The following TSEN34 variants were observed in gnomAD, a reference collection of about 807,000 sequenced individuals.
The protein encoded by TSEN34 is tRNA splicing endonuclease subunit 34.
Under a neutral mutation model 30.2 loss-of-function variants are expected in TSEN34, and 25 were observed. The observed-to-expected ratio is 0.83, with a 90% confidence interval of 0.60 to 1.16. The LOEUF (loss-of-function observed/expected upper bound fraction) is 1.16, where lower values mean the gene tolerates loss of function less well. Ranked by LOEUF, TSEN34 falls within the 50% of genes most tolerant of loss-of-function variation. The pLI is 0.00. For synonymous variants in TSEN34, 209 were observed against 177.4 expected (o/e 1.18, Z -1.41); for missense variants, 475 against 411.9 (o/e 1.15, Z -1.33).
In TSEN34 at chr19:54,191,616, G is replaced by A. The variant is rs1477849867; in HGVS notation, c.243+9G>A. 2 of 1,604,834 alleles carry A rather than the reference G, an allele frequency of 1.2e-6. No individual in the cohort carries two copies. Among genetic ancestry groups the A allele is most frequent in the South Asian group, 1.1e-5 (1 of 91,052 alleles). On this transcript the variant is annotated intron_variant, in intron 1 of 3. Coordinates refer to ENST00000396388, the MANE Select transcript of TSEN34 (RefSeq NM_001077446.4). ...CTCGGCACCACAGCCTGGTAAGGGG[G>A]CGGGGCTCGAACTCGGGTTCGGTGG...
rs1429383676 is a variant in TSEN34 at position 54,192,434 on chromosome 19, C to T, written c.745+61C>T. 4.0e-6 allele frequency: 6 copies of T among 1,509,600 alleles called. 1 individual carries two copies. In the South Asian group the frequency reaches 4.7e-5, roughly 12 times the overall value. The allele number at this position is 1,509,600 out of a possible 1,614,324, so 93.5% of individuals were successfully genotyped here. On this transcript the variant is annotated intron_variant, in intron 3 of 3. Coordinates refer to ENST00000396388, the MANE Select transcript of TSEN34 (RefSeq NM_001077446.4). Reference sequence around the variant, plus strand: ...TTCCATACGATCCCAATGTATTCTGCGTTTTTCTTTTTTTTTTTTTTTGTC... The same window carrying T: ...TTCCATACGATCCCAATGTATTCTGTGTTTTTCTTTTTTTTTTTTTTTGTC...
Position 54,191,737 on chromosome 19 carries a change from A to T in TSEN34, c.260A>T (p.Lys87Met). ...RHHSLALTSF[K>M]RQQEESFQEQ... ...GCTTCTCAGGCCCTGACATCCTTCA[A>T]GCGCCAGCAAGAGGAGAGCTTCCAG... Residue 87 changes from lysine to methionine, a missense_variant, in exon 2 of 4, where the codon AAG (lysine) becomes ATG (methionine). Transcript: ENST00000396388. 1.2e-6 allele frequency: 2 copies of T among 1,614,084 alleles called. No individual in the cohort carries two copies. Among genetic ancestry groups the T allele is most frequent in the Non-Finnish European group, 1.7e-6 (2 of 1,180,038 alleles).
In TSEN34 at chr19:54,193,472, G is replaced by A; in HGVS notation, c.*110G>A. On this transcript the variant is annotated 3_prime_UTR_variant, in exon 4 of 4. Coordinates refer to ENST00000396388, the MANE Select transcript of TSEN34 (RefSeq NM_001077446.4). ...ATCCTCCTACCTTTCTCCGCGGTTA[G>A]TTTTTGATTCCAGGTTTTCGAACAC... The A allele has an allele frequency of 6.4e-7, 1 of 1,563,200 alleles. No individual in the cohort carries two copies. Among genetic ancestry groups the A allele is most frequent in the Non-Finnish European group, 8.7e-7 (1 of 1,153,958 alleles).
chr19:54,192,437 TTTTC>T, intron 3 of TSEN34, 64 bp downstream of exon 3: 3 of 1,532,936 alleles, frequency 2.0e-6, no homozygotes, highest in Admixed American at 2.0e-5. Context: ...TATTCTGCGT[TTTTC>T]TTTTTTTTTT....
chr19:54,194,341 G>GGAA lies in TSEN34; in HGVS notation c.*979_*980insGAA. 2.9e-5 allele frequency: 1 copy of GGAA among 34,704 alleles called. No individual in the cohort carries two copies. Among genetic ancestry groups the GGAA allele is most frequent in the African/African-American group, 1.9e-4 (1 of 5,224 alleles). 2.1% of individuals were successfully genotyped at this position (34,704 alleles called of 1,614,324 possible). A position where few individuals can be genotyped will look rare whatever the true frequency, so the allele number is the denominator to read the frequency against. ...GCTTTTTCATGGCCTGGGTAGTGGT[G>GGAA]AATTTTTTTGATACTGTATATTTAT... On this transcript the variant is annotated 3_prime_UTR_variant, in exon 4 of 4. Transcript: ENST00000396388.
upstream of TSEN34, chr19:54,189,674 T>TC (rs2076581492): frequency 1.3e-5 from 2 of 153,306 alleles, no homozygotes; most frequent in Non-Finnish European, 2.9e-5. Flanking sequence ...ACAGACGGGC[T>TC]CTGGAAAGGA....
Position 54,194,085 on chromosome 19 carries a change from G to T in TSEN34, c.*723G>T, listed in dbSNP as rs1272197057. The T allele has an allele frequency of 1.1e-5, 2 of 182,246 alleles. No individual in the cohort carries two copies. Among genetic ancestry groups the T allele is most frequent in the East Asian group, 3.0e-4 (2 of 6,730 alleles). 11.3% of individuals were successfully genotyped at this position (182,246 alleles called of 1,614,324 possible). On this transcript the variant is annotated 3_prime_UTR_variant, in exon 4 of 4. Coordinates refer to ENST00000396388, the MANE Select transcript of TSEN34 (RefSeq NM_001077446.4). ...TTAGCCAGGGATCCCTTGAGCCTGG[G>T]AAGTTGAGGCTGCTGTGAGCTGTGA...
upstream of TSEN34, chr19:54,190,420 C>G: frequency 1.4e-6 from 2 of 1,454,326 alleles, no homozygotes; most frequent in South Asian, 1.4e-5. Flanking sequence ...TGAAGGGAGG[C>G]AAGGAGGCGG....
In TSEN34 at chr19:54,193,507, T is replaced by C; in HGVS notation, c.*145T>C. On this transcript the variant is annotated 3_prime_UTR_variant, in exon 4 of 4. Transcript: ENST00000396388. ...CCAGGTTTTCGAACACTACATCTTT[T>C]TTATGTTCTTCCTTGTTTCAAAGCA... 1 of 1,543,570 alleles carries C rather than the reference T, an allele frequency of 6.5e-7. No individual in the cohort carries two copies. Among genetic ancestry groups the C allele is most frequent in the East Asian group, 2.4e-5 (1 of 40,916 alleles).
upstream of TSEN34, chr19:54,190,692 G>C (rs1424489000): frequency 8.2e-7 from 1 of 1,226,482 alleles, no homozygotes; most frequent in Non-Finnish European, 1.0e-6. Context: ...CAAATTGCTG[G>C]CGTTCGAGAA....
At chr19:54,192,452 T>G in intron 3 of TSEN34, 79 bp downstream of exon 3, 1 of 1,589,112 alleles carries the variant, frequency 6.3e-7, no homozygotes, top group Non-Finnish European at 8.6e-7. Context: ...TTTTTTTTTT[T>G]TTTTGTCTTA....
rs1482935701 is a variant in TSEN34 at position 54,191,575 on chromosome 19, G to T, written c.211G>T (p.Ala71Ser). The T allele has an allele frequency of 1.2e-5, 20 of 1,602,332 alleles. No individual in the cohort carries two copies. Among genetic ancestry groups the T allele is most frequent in the Non-Finnish European group, 1.7e-5 (20 of 1,179,542 alleles). ...AEIGAVTLVS[A>S]PRPDSRHHSL... ...GATCGGCGCCGTGACTCTGGTCAGC[G>T]CCCCGCGTCCAGACTCTCGGCACCA... Residue 71 changes from alanine to serine, a missense_variant, in exon 1 of 4, where the codon GCC becomes TCC. Physicochemically the swap from Ala to Ser is moderately conservative, Grantham distance 99. Coordinates refer to ENST00000396388, the MANE Select transcript of TSEN34 (RefSeq NM_001077446.4).
chr19:54,192,702 C>T (rs1044075711), intron 3 of TSEN34, among the ~76,000 whole-genome samples: 37 of 152,156 alleles, frequency 2.4e-4, no homozygotes, highest in African/African-American at 8.9e-4. Context: ...AGAAGATTCA[C>T]TTAGAAGTAG....
In TSEN34 at chr19:54,193,937, C is replaced by T. The variant is rs1397691870; in HGVS notation, c.*575C>T. The T allele has an allele frequency of 1.6e-5, 8 of 485,662 alleles. No homozygotes were observed. The highest frequency in any genetic ancestry group is 5.6e-4 in the Middle Eastern group (1 of 1,784). The allele number at this position is 485,662 out of a possible 1,614,324, so 30.1% of individuals were successfully genotyped here. A position where few individuals can be genotyped will look rare whatever the true frequency, so the allele number is the denominator to read the frequency against. ...AATATAGGCTGGGCACGATGACCCA[C>T]ACCTGTAATCCCACAGAACTTTTGG... On this transcript the variant is annotated 3_prime_UTR_variant, in exon 4 of 4. Transcript: ENST00000396388.
At chr19:54,191,635 T>A (rs1265693709) in intron 1 of TSEN34, 28 bp downstream of exon 1, 1 of 1,606,734 alleles carries the variant, frequency 6.2e-7, no homozygotes, top group African/African-American at 1.3e-5. Context: ...GAACTCGGGT[T>A]CGGTGGGAGC....
At position 54,191,345 on chromosome 19, in the gene TSEN34, C is replaced by G. The variant is rs999003134; in HGVS notation, c.-20C>G. The G allele has an allele frequency of 5.8e-6, 9 of 1,549,102 alleles. No individual in the cohort carries two copies. The highest frequency in any genetic ancestry group is 6.1e-6 in the Non-Finnish European group (7 of 1,146,780). On this transcript the variant is annotated 5_prime_UTR_variant, in exon 1 of 4. Transcript: ENST00000396388. ...GCAGCTGTTTCGGTAACTGCTTTGC[C>G]TCCCGGCTCCCGCAGGAGGATGCTG...
rs903059221 is a variant in TSEN34, at chr19:54,191,318, G to A, written c.-47G>A. On this transcript the variant is annotated 5_prime_UTR_variant, in exon 1 of 4. Transcript: ENST00000396388. ...TGGGTGCGCTGCAGCGGTCCGCGGC[G>A]CGCAGCTGTTTCGGTAACTGCTTTG... is the stretch of plus-strand genomic sequence containing the variant. The A allele has an allele frequency of 4.5e-6, 7 of 1,547,514 alleles. No individual in the cohort carries two copies. In the Admixed American group the frequency reaches 5.9e-5, roughly 13 times the overall value.
At chr19:54,192,007 G>T (rs780972007) in intron 2 of TSEN34, 43 bp downstream of exon 2, 1 of 1,613,918 alleles carries the variant, frequency 6.2e-7, no homozygotes, top group East Asian at 2.2e-5. Flanking sequence ...GGAAGGAGAG[G>T]AGAGATCTTT....
Position 54,193,495 on chromosome 19 carries a change from C to T in TSEN34, c.*133C>T, listed in dbSNP as rs2076785699. 2 of 1,548,150 alleles carry T rather than the reference C, an allele frequency of 1.3e-6. No homozygotes were observed. The highest frequency in any genetic ancestry group is 1.4e-5 in the African/African-American group (1 of 72,872). On this transcript the variant is annotated 3_prime_UTR_variant, in exon 4 of 4. Transcript: ENST00000396388. ...TAGTTTTTGATTCCAGGTTTTCGAA[C>T]ACTACATCTTTTTTATGTTCTTCCT...
Sources: allele counts gnomAD v4.1 joint callset (sites outside exome capture counted in the v4.1 genomes callset), GRCh38; gene constraint gnomAD v4.1.1; transcripts MANE v1.5; gene names NCBI Gene and HGNC (gene_info 2026-07-23, HGNC 2026-07-21).